ARHGEF7: variants seen among roughly 807,000 people sequenced by gnomAD.
ARHGEF7 encodes Rho guanine nucleotide exchange factor 7.
A neutral mutation model predicts 109.8 loss-of-function variants in ARHGEF7; 33 were observed. The observed-to-expected ratio is 0.30, with a 90% confidence interval of 0.23 to 0.40. ARHGEF7 has a LOEUF of 0.40. Among genes scored for constraint, ARHGEF7 ranks in the 10% least tolerant of loss-of-function variants. ARHGEF7 has a pLI of 1.00. For missense variants in ARHGEF7, 938 were observed against 1,098.5 expected (o/e 0.85, Z 2.07); for synonymous variants, 458 against 424.6 (o/e 1.08, Z -0.97).
At chr13:111,166,303 C>T (rs529856989) in intron 2 of ARHGEF7, among the ~76,000 whole-genome samples, 2 of 152,242 alleles carry the variant, frequency 1.3e-5, no homozygotes, top group African/African-American at 2.4e-5. Context: ...GCCAGGGAGT[C>T]GTGGGGAGCG....
chr13:111,217,726 T>C lies in ARHGEF7; in HGVS notation c.516T>C (p.Phe172=), dbSNP rs774750752. The C allele has an allele frequency of 6.2e-7, 1 of 1,614,242 alleles. No individual in the cohort carries two copies. The highest frequency in any genetic ancestry group is 8.5e-7 in the Non-Finnish European group (1 of 1,180,036). The change falls in exon 5 of 22, where the codon TTT becomes TTC. Residue 172 remains phenylalanine, a synonymous_variant. Coordinates refer to ENST00000646102, the MANE Select transcript of ARHGEF7 (RefSeq NM_001354046.2). ...ATCAACTGGTAGTAAGAGCAAAGTT[T>C]AACTTCCAGCAGACCAATGAGGACG... The part of the protein sequence containing the change: ...SNNQLVVRAK[F]NFQQTNEDEL...
intron 1 of ARHGEF7, among the ~76,000 whole-genome samples, chr13:111,123,309 G>C (rs1172499832): frequency 6.6e-6 from 1 of 152,168 alleles, no homozygotes; most frequent in Non-Finnish European, 1.5e-5. Flanking sequence ...AGTTGTCCCT[G>C]CTAGGCCATC....
intron 5 of ARHGEF7, among the ~76,000 whole-genome samples, chr13:111,223,960 G>T (rs575023829): frequency 7.3e-5 from 11 of 151,342 alleles, no homozygotes; most frequent in Non-Finnish European, 1.6e-4. Context: ...GGGTTCAAGC[G>T]ATTCTCCTAC....
chr13:111,204,109 A>G (rs2081492590), intron 2 of ARHGEF7, among the ~76,000 whole-genome samples: 1 of 152,120 alleles, frequency 6.6e-6, no homozygotes, highest in Non-Finnish European at 1.5e-5. Context: ...CCAGGCTGTC[A>G]AGGCAGGGCT....
chr13:111,303,172 GACCCAAGTC>G lies in ARHGEF7; in HGVS notation c.*60_*68del. On this transcript the variant is annotated 3_prime_UTR_variant, in exon 22 of 22. Coordinates refer to ENST00000646102, the MANE Select transcript of ARHGEF7 (RefSeq NM_001354046.2). ...TTCTGAGGTGAAGCTGGGCACCCCT[GACCCAAGTC>G]GGGGTGCACTCAGGACCACAGGGCA... 1 of 1,242,582 alleles carries G rather than the reference GACCCAAGTC, an allele frequency of 8.0e-7. No homozygotes were observed. Among genetic ancestry groups the G allele is most frequent in the Non-Finnish European group, 1.1e-6 (1 of 915,932 alleles). 77.0% of individuals were successfully genotyped at this position (1,242,582 alleles called of 1,614,324 possible).
At chr13:111,275,813 T>C in intron 12 of ARHGEF7, 135 bp downstream of exon 12, 1 of 1,122,482 alleles carries the variant, frequency 8.9e-7, no homozygotes. Context: ...AGCTACTTTT[T>C]ATTCTTGACA....
intron 19 of ARHGEF7, chr13:111,292,630 G>T: frequency 8.5e-7 from 1 of 1,172,846 alleles, no homozygotes. Flanking sequence ...TGTAGCAACT[G>T]TTTGATTTCT....
intron 1 of ARHGEF7, among the ~76,000 whole-genome samples, chr13:111,118,190 G>A (rs1490150344): frequency 6.6e-6 from 1 of 152,218 alleles, no homozygotes; most frequent in Non-Finnish European, 1.5e-5. Flanking sequence ...CTTCCCATAT[G>A]TCTTTTATTA....
At chr13:111,296,639 A>G (rs950684502) in intron 19 of ARHGEF7, among the ~76,000 whole-genome samples, 2 of 152,240 alleles carry the variant, frequency 1.3e-5, no homozygotes, top group Non-Finnish European at 2.9e-5. Context: ...CTGATCTAGC[A>G]CTTCTCAAAA....
rs1230698008 is a variant in ARHGEF7, at chr13:111,280,325, T to A, written c.1560T>A (p.Asn520Lys). The A allele has an allele frequency of 6.2e-7, 1 of 1,611,032 alleles. No individual in the cohort carries two copies. The highest frequency in any genetic ancestry group is 8.5e-7 in the Non-Finnish European group (1 of 1,179,252). The stretch of plus-strand genomic sequence containing the variant: ...TCACAAAGCTTGAGGACAGTGAAAA[T>A]CATAGAAATGCATTTGAAATATCAG... ...MTITKLEDSE[N>K]HRNAFEISGS... The change falls in exon 14 of 22, where the codon AAT (asparagine) becomes AAA (lysine). Residue 520 changes from asparagine (N) to lysine (K), a missense_variant. Physicochemically the swap from Asn to Lys is moderately conservative, Grantham distance 94. Transcript: ENST00000646102.
intron 1 of ARHGEF7, among the ~76,000 whole-genome samples, chr13:111,135,308 TTAAAG>T (rs1357030862): frequency 1.3e-5 from 2 of 152,128 alleles, no homozygotes; most frequent in East Asian, 1.9e-4. Context: ...CATATGAACT[TTAAAG>T]TAGTTTTTTC....
At chr13:111,271,402 A>G (rs2092134618) in intron 9 of ARHGEF7, among the ~76,000 whole-genome samples, 1 of 152,144 alleles carries the variant, frequency 6.6e-6, no homozygotes, top group Admixed American at 6.5e-5. Context: ...TTTAGAAATG[A>G]TAGGAACACA....
chr13:111,179,196 A>G (rs1263648463), intron 2 of ARHGEF7, among the ~76,000 whole-genome samples: 2 of 151,792 alleles, frequency 1.3e-5, no homozygotes, highest in African/African-American at 2.4e-5. Flanking sequence ...CTCGTGCCTC[A>G]GCCAGCCTAG....
At chr13:111,231,895 A>G (rs1166798868) in intron 5 of ARHGEF7, among the ~76,000 whole-genome samples, 1 of 152,158 alleles carries the variant, frequency 6.6e-6, no homozygotes, top group African/African-American at 2.4e-5. Context: ...GGAAATGCTC[A>G]TCAGAATTTC....
At chr13:111,128,406 T>C (rs891914004) in intron 1 of ARHGEF7, among the ~76,000 whole-genome samples, 3 of 152,158 alleles carry the variant, frequency 2.0e-5, no homozygotes, top group Non-Finnish European at 4.4e-5. Context: ...GGCAGGAGAA[T>C]CGCCTGAACC....
chr13:111,179,428 GTTGTAGATCCCATGA>G (rs1391807895), intron 2 of ARHGEF7, among the ~76,000 whole-genome samples: 3 of 152,140 alleles, frequency 2.0e-5, no homozygotes, highest in Admixed American at 6.5e-5. Flanking sequence ...TGTAAGTCAT[GTTGTAGATCCCATGA>G]TCCTTACCTC....
chr13:111,194,879 G>A (rs1381400983), intron 2 of ARHGEF7, among the ~76,000 whole-genome samples: 1 of 146,696 alleles, frequency 6.8e-6, no homozygotes, highest in East Asian at 1.9e-4. Flanking sequence ...GCATCCTTGA[G>A]GTCCAGAATA....
intron 16 of ARHGEF7, among the ~76,000 whole-genome samples, chr13:111,285,480 G>GT (rs1296363899): frequency 6.6e-6 from 1 of 152,130 alleles, no homozygotes; most frequent in Non-Finnish European, 1.5e-5. Context: ...TGCTCACTTT[G>GT]TTTTTTGCCG....
At chr13:111,283,456 A>C (rs1365000167) in intron 16 of ARHGEF7, 93 bp downstream of exon 16, 3 of 1,470,950 alleles carry the variant, frequency 2.0e-6, no homozygotes, top group East Asian at 2.5e-5. Flanking sequence ...GTGTACAGCA[A>C]AATGCACCCT....
Sources: allele counts gnomAD v4.1 joint callset (sites outside exome capture counted in the v4.1 genomes callset), GRCh38; gene constraint gnomAD v4.1.1; transcripts MANE v1.5; gene names NCBI Gene and HGNC (gene_info 2026-07-23, HGNC 2026-07-21).